The following MBNL1 variants were observed in gnomAD, a reference collection of about 807,000 sequenced individuals.
MBNL1 encodes muscleblind-like protein 1.
In MBNL1, 8 loss-of-function variants were observed where a neutral mutation model predicts 42.2. The observed-to-expected ratio is 0.19, with a 90% confidence interval of 0.11 to 0.34. The LOEUF is 0.34. MBNL1 is among the 10% of genes least tolerant of loss of function. The pLI is 1.00. For synonymous variants in MBNL1, 169 were observed against 173.9 expected (o/e 0.97, Z 0.22); for missense variants, 309 against 495.3 (o/e 0.62, Z 3.57).
chr3:152,407,209 CTTTTTTTT>C (rs60509782), intron 2 of MBNL1, among the ~76,000 whole-genome samples: 19 of 54,378 alleles, frequency 3.5e-4, no homozygotes, highest in Admixed American at 9.6e-4. Flanking sequence ...GAAATATGTT[CTTTTTTTT>C]TTTTTTTTTT....
chr3:152,340,362 C>A, intron 2 of MBNL1: 1 of 749,496 alleles, frequency 1.3e-6, no homozygotes, highest in Non-Finnish European at 2.1e-6. Context: ...CAATAGTAAT[C>A]TCTTGTGGTG....
chr3:152,305,982 GT>G (rs1448847390), intron 2 of MBNL1, among the ~76,000 whole-genome samples: 3 of 152,176 alleles, frequency 2.0e-5, no homozygotes, highest in Non-Finnish European at 2.9e-5. Flanking sequence ...ATGAGCTTGT[GT>G]TTTGAAAATT....
chr3:152,270,923 A>C (rs2041229843), intron 1 of MBNL1, among the ~76,000 whole-genome samples: 1 of 152,138 alleles, frequency 6.6e-6, no homozygotes, highest in African/African-American at 2.4e-5. Flanking sequence ...TTTAAGGAAC[A>C]GGTTGGGTCA....
chr3:152,268,737 C>T (rs1382661835), upstream of MBNL1: 1 of 455,222 alleles, frequency 2.2e-6, no homozygotes. Flanking sequence ...TGACAGGCGA[C>T]CCTGTGGCCC....
intron 2 of MBNL1, among the ~76,000 whole-genome samples, chr3:152,347,711 A>T (rs1333964410): frequency 6.6e-6 from 1 of 152,116 alleles, no homozygotes; most frequent in Non-Finnish European, 1.5e-5. Flanking sequence ...TGTGCGTGTC[A>T]TGTTTTCTCG....
At chr3:152,274,695 CATAT>C (rs111895146) in intron 1 of MBNL1, among the ~76,000 whole-genome samples, 1 of 151,972 alleles carries the variant, frequency 6.6e-6, no homozygotes, top group South Asian at 2.1e-4. Flanking sequence ...ATCGAATTTT[CATAT>C]ATGTTTTAAT....
Position 152,456,275 on chromosome 3 carries a change from G to A in MBNL1, c.1006G>A (p.Val336Met). 1 of 1,613,128 alleles carries A rather than the reference G, an allele frequency of 6.2e-7. No homozygotes were observed. The highest frequency in any genetic ancestry group is 8.5e-7 in the Non-Finnish European group (1 of 1,179,162). Residue 336 changes from valine to methionine, a missense_variant, in exon 8 of 10, where the codon GTG becomes ATG. By Grantham distance (21) the Val-to-Met change is conservative (BLOSUM62 1). Transcript: ENST00000324210. ...GATTTTCCCTCCGAAAGTTCCCATG[G>A]TGCACGGTGCTACGCCAGCCACTGT... ...MTPATSVVPM[V>M]HGATPATVSA...
intron 1 of MBNL1, among the ~76,000 whole-genome samples, chr3:152,286,578 ATATT>A (rs57623420): frequency 1.4e-3 from 202 of 144,054 alleles, no homozygotes; most frequent in African/African-American, 4.9e-3. Flanking sequence ...TATAATATAA[ATATT>A]TAATTATATT....
chr3:152,403,247 C>G (rs375157436), intron 2 of MBNL1, among the ~76,000 whole-genome samples: 1 of 152,066 alleles, frequency 6.6e-6, no homozygotes, highest in African/African-American at 2.4e-5. Flanking sequence ...TCCTGTGAGG[C>G]CCAACATCTC....
intron 6 of MBNL1, among the ~76,000 whole-genome samples, chr3:152,451,195 TG>T (rs1229884639): frequency 9.6e-5 from 13 of 135,250 alleles, no homozygotes; most frequent in African/African-American, 2.7e-4. Context: ...CAAATTACAG[TG>T]AAGCATGGTT....
At chr3:152,440,169 C>T (rs1580521458) in intron 4 of MBNL1, among the ~76,000 whole-genome samples, 1 of 152,188 alleles carries the variant, frequency 6.6e-6, no homozygotes, top group East Asian at 1.9e-4. Flanking sequence ...AGAATGCTCC[C>T]ATTTGATCCT....
chr3:152,316,216 A>G (rs2071281866), intron 2 of MBNL1, among the ~76,000 whole-genome samples: 1 of 152,186 alleles, frequency 6.6e-6, no homozygotes, highest in Non-Finnish European at 1.5e-5. Flanking sequence ...AACAATTATG[A>G]CTGCCTTTTA....
intron 2 of MBNL1, among the ~76,000 whole-genome samples, chr3:152,410,008 A>C (rs983551417): frequency 6.6e-6 from 1 of 152,114 alleles, no homozygotes; most frequent in African/African-American, 2.4e-5. Flanking sequence ...TCATATTTCT[A>C]ACTTACCATC....
intron 2 of MBNL1, among the ~76,000 whole-genome samples, chr3:152,372,720 T>G (rs942849123): frequency 6.6e-6 from 1 of 152,168 alleles, no homozygotes; most frequent in African/African-American, 2.4e-5. Context: ...CTCTCCTGTA[T>G]GAGGTGTCTG....
chr3:152,373,341 GAAAAAAAAAAAAAA>G (rs35536807), intron 2 of MBNL1, among the ~76,000 whole-genome samples: 1 of 90,542 alleles, frequency 1.1e-5, no homozygotes, highest in African/African-American at 4.2e-5. Flanking sequence ...CTGGGGTATG[GAAAAAAAAAAAAAA>G]AAAAAAAAAA....
intron 2 of MBNL1, among the ~76,000 whole-genome samples, chr3:152,330,580 G>C (rs961191426): frequency 6.6e-6 from 1 of 152,150 alleles, no homozygotes; most frequent in Non-Finnish European, 1.5e-5. Flanking sequence ...ACATCACTGT[G>C]TGTCACTGAA....
At chr3:152,327,101 G>T (rs768506440) in intron 2 of MBNL1, among the ~76,000 whole-genome samples, 1 of 151,838 alleles carries the variant, frequency 6.6e-6, no homozygotes, top group African/African-American at 2.4e-5. Flanking sequence ...GAGCCACTGC[G>T]CTCGGCTGAT....
chr3:152,421,338 G>T (rs1228555422), intron 3 of MBNL1, among the ~76,000 whole-genome samples: 2 of 152,194 alleles, frequency 1.3e-5, no homozygotes, highest in African/African-American at 2.4e-5. Flanking sequence ...TGGAAAGGCG[G>T]CTGAAGCCAG....
chr3:152,329,588 G>T lies in MBNL1; in HGVS notation c.174+29221G>T, dbSNP rs2082717951. ...TGCATGAGCTTGGGAAGTCAAGGAT[G>T]CAGTGAGCCATGATCAGCCATTGCA... is the stretch of plus-strand genomic sequence containing the variant. On this transcript the variant is annotated intron_variant, in intron 2 of 9. Transcript: ENST00000324210. Among the ~76,000 whole-genome samples, 2 of 150,808 alleles carry T rather than the reference G, an allele frequency of 1.3e-5. 1 individual carries two copies. The highest frequency in any genetic ancestry group is 4.2e-4 in the South Asian group (2 of 4,796).
Sources: gnomAD v4.1 joint callset for allele counts (sites outside exome capture counted in the v4.1 genomes callset) on GRCh38, gnomAD v4.1.1 for gene constraint, MANE v1.5 for transcripts, NCBI Gene and HGNC (gene_info 2026-07-23, HGNC 2026-07-21) for gene names.